The following TUT4 variants were observed in gnomAD, a reference collection of about 807,000 sequenced individuals.
TUT4 encodes the protein terminal uridylyltransferase 4.
A neutral mutation model predicts 192.2 loss-of-function variants in TUT4; 36 were observed. The ratio of observed to expected loss-of-function variants is 0.19; its 90% CI spans 0.14 to 0.25. The LOEUF is 0.25. Ranked by LOEUF, TUT4 falls within the 10% of genes least tolerant of loss-of-function variation. TUT4 has a pLI of 1.00. For synonymous variants in TUT4, 618 were observed against 666.0 expected (o/e 0.93, Z 1.11); for missense variants, 1,493 against 1,957.2 (o/e 0.76, Z 4.47).
rs1570043349 is a variant in TUT4, at chr1:52,425,604, T to TG, written c.4712-98dup. 4 of 1,370,068 alleles carry TG rather than the reference T, an allele frequency of 2.9e-6. No homozygotes were observed. The East Asian group carries it at 1.0e-4, about 35-fold the overall frequency. 84.9% of individuals were successfully genotyped at this position (1,370,068 alleles called of 1,614,324 possible). On this transcript the variant is annotated intron_variant, in intron 28 of 29. Coordinates refer to ENST00000257177, the MANE Select transcript of TUT4 (RefSeq NM_001009881.3). The stretch of plus-strand genomic sequence containing the variant: ...CAAAGATATATTCAGTACCTACCAT[T>TG]GGCTAAGAACTATGCTAAATTCAGA...
chr1:52,528,738 AAAC>A (rs1490323888), intron 1 of TUT4, among the ~76,000 whole-genome samples: 1 of 152,136 alleles, frequency 6.6e-6, no homozygotes, highest in Non-Finnish European at 1.5e-5. Context: ...TACATCATAT[AAAC>A]AAAAAAATCC....
At chr1:52,533,339 T>C (rs1684005537) in intron 1 of TUT4, among the ~76,000 whole-genome samples, 1 of 152,258 alleles carries the variant, frequency 6.6e-6, no homozygotes, top group Non-Finnish European at 1.5e-5. Context: ...TGGTATACTT[T>C]TCAGTTTTAC....
Position 52,458,422 on chromosome 1 carries a change from C to T in TUT4, c.3349G>A (p.Gly1117Arg). The T allele has an allele frequency of 6.2e-7, 1 of 1,613,232 alleles. No individual in the cohort carries two copies. Among genetic ancestry groups the T allele is most frequent in the Non-Finnish European group, 8.5e-7 (1 of 1,179,636 alleles). Reference protein sequence around the residue: ...KRCDIGDASRGSLSSYAYILM... With the variant: ...KRCDIGDASRRSLSSYAYILM... ...ATATATGCATATGAAGATAAACTTC[C>T]CCTGGAAGCATCCCCAATGTCACAT... The change falls in exon 20 of 30, where the codon GGA (glycine) becomes AGA (arginine). Residue 1117 changes from glycine to arginine, a missense_variant. This residue lies in a region of TUT4 where 141 missense variants were observed against 382.7 expected (regional missense o/e 0.37). Transcript: ENST00000257177.
chr1:52,475,087 A>C lies in TUT4; in HGVS notation c.2472T>G (p.Thr824=), dbSNP rs1570703102. 6.2e-7 allele frequency: 1 copy of C among 1,614,114 alleles called. No individual in the cohort carries two copies. The highest frequency in any genetic ancestry group is 2.2e-5 in the East Asian group (1 of 44,884). ...KKQDDLAPSE[T]CLKKELSQCN... is the part of the protein sequence containing the mutation. ...ATTGGCTGAGCTCTTTTTTTAAACAAGTTTCTGAAGGCGCTAAATCATCTT... is the reference window on the plus strand; with the variant it reads ...ATTGGCTGAGCTCTTTTTTTAAACACGTTTCTGAAGGCGCTAAATCATCTT... The change falls in exon 13 of 30, where the codon ACT becomes ACG. Residue 824 remains threonine, a synonymous_variant. Coordinates refer to ENST00000257177, the MANE Select transcript of TUT4 (RefSeq NM_001009881.3).
In TUT4 at chr1:52,474,974, TGTG is replaced by T; in HGVS notation, c.2582_2584del (p.Ser861_His862delinsTyr). ...AGATGTGTCGGTGCACACACTCTGA[TGTG>T]AACTCTCTGTTTCTAAATTTGACCT... is the stretch of plus-strand genomic sequence containing the variant. On this transcript the variant is annotated inframe_deletion, in exon 13 of 30. Coordinates refer to ENST00000257177, the MANE Select transcript of TUT4 (RefSeq NM_001009881.3). 1 of 1,614,240 alleles carries T rather than the reference TGTG, an allele frequency of 6.2e-7. No homozygotes were observed. The highest frequency in any genetic ancestry group is 8.5e-7 in the Non-Finnish European group (1 of 1,180,044).
chr1:52,458,211 AAG>A, intron 20 of TUT4, 123 bp downstream of exon 20: 1 of 603,174 alleles, frequency 1.7e-6, no homozygotes, highest in East Asian at 2.8e-5. Context: ...CATTAATGGA[AAG>A]AGAAAACTTA....
chr1:52,540,188 C>T (rs1484367947), intron 1 of TUT4, among the ~76,000 whole-genome samples: 13 of 147,204 alleles, frequency 8.8e-5, no homozygotes, highest in African/African-American at 3.3e-4. Flanking sequence ...CACTGCACTC[C>T]AGCCTGGGTG....
At chr1:52,450,193 A>G (rs887488712) in intron 20 of TUT4, among the ~76,000 whole-genome samples, 3 of 152,234 alleles carry the variant, frequency 2.0e-5, no homozygotes, top group Non-Finnish European at 4.4e-5. Context: ...AAGCTTAATT[A>G]CAAATGGAGG....
chr1:52,479,610 T>G (rs1269309754), intron 11 of TUT4, among the ~76,000 whole-genome samples: 1 of 152,158 alleles, frequency 6.6e-6, no homozygotes. Context: ...ACTGAAAGGA[T>G]GCAGTGCAAA....
At chr1:52,474,616 C>T (rs1324492) in intron 13 of TUT4, among the ~76,000 whole-genome samples, 4,264 of 152,100 alleles carry the variant, frequency 0.028, 141 homozygotes, top group African/African-American at 0.079. Context: ...GTAAAGGAAA[C>T]CAACTGGTAA....
chr1:52,523,010 T>TG (rs1680715864), intron 2 of TUT4, among the ~76,000 whole-genome samples: 1 of 140,630 alleles, frequency 7.1e-6, no homozygotes, highest in East Asian at 2.1e-4. Context: ...TTTTTTTTTT[T>TG]GAGACAGACT....
At chr1:52,528,103 C>T (rs1423795680) in intron 1 of TUT4, among the ~76,000 whole-genome samples, 6 of 151,284 alleles carry the variant, frequency 4.0e-5, no homozygotes, top group South Asian at 4.2e-4. Context: ...TGCTTGAACC[C>T]GGGAAGCGGA....
chr1:52,533,637 T>C (rs1466304824), intron 1 of TUT4, among the ~76,000 whole-genome samples: 1 of 152,122 alleles, frequency 6.6e-6, no homozygotes, highest in African/African-American at 2.4e-5. Flanking sequence ...TATTCCCTTG[T>C]TTTTGGTGGA....
At chr1:52,425,110 AC>A (rs554393271) in intron 29 of TUT4, 1 of 364,622 alleles carries the variant, frequency 2.7e-6, no homozygotes, top group South Asian at 1.1e-4. Context: ...GGCAATGTTA[AC>A]TGATTCATCT....
chr1:52,516,146 A>G (rs1227377622), intron 2 of TUT4, 92 bp from the exon 3 acceptor site: 4 of 991,846 alleles, frequency 4.0e-6, no homozygotes, highest in Non-Finnish European at 5.9e-6. Context: ...ATACACAGAA[A>G]AAATATTATT....
At chr1:52,543,135 T>C (rs529546240) in intron 1 of TUT4, among the ~76,000 whole-genome samples, 5 of 152,244 alleles carry the variant, frequency 3.3e-5, no homozygotes, top group East Asian at 1.9e-4. Context: ...CGCATCTCAA[T>C]TGGAAAAGAA....
In TUT4 at chr1:52,431,479, T is replaced by A. The variant is rs368496231; in HGVS notation, c.4264-19A>T. On this transcript the variant is annotated intron_variant, in intron 27 of 29. Transcript: ENST00000257177. ...ATTCAGACTGCAGACAAAAAAAAAA[T>A]TTTTTTTAATTAATTTATAAACATC... 2,543 of 1,403,826 alleles carry A rather than the reference T, an allele frequency of 1.8e-3. 28 individuals carry two copies. In the African/African-American group the frequency reaches 0.027, roughly 15 times the overall value. 87.0% of individuals were successfully genotyped at this position (1,403,826 alleles called of 1,614,324 possible).
chr1:52,478,088 C>G (rs1027285126), intron 11 of TUT4, among the ~76,000 whole-genome samples: 1 of 152,148 alleles, frequency 6.6e-6, no homozygotes, highest in African/African-American at 2.4e-5. Flanking sequence ...TTCCACTGAA[C>G]CAGTGATTCT....
chr1:52,537,916 GAATA>G (rs775706760), intron 1 of TUT4, among the ~76,000 whole-genome samples: 23 of 151,388 alleles, frequency 1.5e-4, no homozygotes, highest in Non-Finnish European at 2.4e-4. Context: ...TCTCAAAAAT[GAATA>G]AATAAATAAA....
Sources: allele counts gnomAD v4.1 joint callset (sites outside exome capture counted in the v4.1 genomes callset), GRCh38; gene constraint gnomAD v4.1.1; regional missense constraint gnomAD v4.1.1; transcripts MANE v1.5; gene names NCBI Gene and HGNC (gene_info 2026-07-23, HGNC 2026-07-21).